MAST4: variants seen among roughly 807,000 people sequenced by gnomAD.
MAST4 encodes microtubule associated serine/threonine kinase family member 4.
In MAST4, 89 loss-of-function variants were observed where a neutral mutation model predicts 162.7. The observed-to-expected ratio is 0.55, with a 90% confidence interval of 0.46 to 0.65. MAST4 has a LOEUF of 0.65. Among genes scored for constraint, MAST4 ranks in the 30% least tolerant of loss-of-function variants. The pLI, the probability that MAST4 is intolerant of heterozygous loss-of-function variation, is 0.00. For missense variants in MAST4, 3,153 were observed against 3,374.0 expected (o/e 0.93, Z 1.62); for synonymous variants, 1,479 against 1,361.1 (o/e 1.09, Z -1.91).
chr5:66,700,535 A>G (rs758067287), intron 1 of MAST4, among the ~76,000 whole-genome samples: 1 of 152,068 alleles, frequency 6.6e-6, no homozygotes, highest in Non-Finnish European at 1.5e-5. Context: ...TATAAAAACT[A>G]GCCGGGCTGG....
chr5:67,123,508 G>A (rs889047549), intron 14 of MAST4, among the ~76,000 whole-genome samples: 4 of 152,136 alleles, frequency 2.6e-5, no homozygotes, highest in African/African-American at 9.7e-5. Context: ...GCCCTTGTAT[G>A]GTAGTTGATA....
At chr5:66,680,381 C>G (rs1045437344) in intron 1 of MAST4, among the ~76,000 whole-genome samples, 1 of 152,174 alleles carries the variant, frequency 6.6e-6, no homozygotes, top group Non-Finnish European at 1.5e-5. Context: ...CATTGTCTTT[C>G]CTGACTCCCT....
intron 9 of MAST4, among the ~76,000 whole-genome samples, chr5:67,103,383 T>C (rs1212613015): frequency 1.3e-5 from 2 of 152,228 alleles, no homozygotes; most frequent in Admixed American, 6.5e-5. Context: ...AGAGTACTTA[T>C]TATTTGCAAC....
intron 1 of MAST4, among the ~76,000 whole-genome samples, chr5:66,697,985 C>T (rs1310406860): frequency 6.6e-6 from 1 of 151,986 alleles, no homozygotes; most frequent in Non-Finnish European, 1.5e-5. Flanking sequence ...CATTCCATGA[C>T]CTAACCACCA....
chr5:67,024,613 T>C (rs1754418491), intron 4 of MAST4, among the ~76,000 whole-genome samples: 1 of 152,064 alleles, frequency 6.6e-6, no homozygotes. Context: ...TGGTGGTAAA[T>C]AGGTGAACTG....
intron 4 of MAST4, among the ~76,000 whole-genome samples, chr5:66,983,327 G>A (rs1174997720): frequency 2.0e-5 from 3 of 152,116 alleles, no homozygotes; most frequent in Non-Finnish European, 2.9e-5. Context: ...GATGACAGAC[G>A]GCCATCCCTT....
At chr5:67,010,796 G>A (rs566194437) in intron 4 of MAST4, among the ~76,000 whole-genome samples, 1 of 152,248 alleles carries the variant, frequency 6.6e-6, no homozygotes, top group African/African-American at 2.4e-5. Context: ...GTTGCATCTG[G>A]CAACTGGAAA....
rs377161779 is a variant in MAST4 at position 67,142,461 on chromosome 5, A to T, written c.2658A>T (p.Glu886Asp). The change falls in exon 21 of 29, where the codon GAA (glutamate) becomes GAT (aspartate). Residue 886 changes from glutamate to aspartate, a missense_variant. Physicochemically the swap from Glu to Asp is conservative, Grantham distance 45 (BLOSUM62 2). Around this residue, in one of 7 missense-constraint regions of MAST4, gnomAD observed 619 missense variants for 744.2 expected, o/e 0.83. Coordinates refer to ENST00000403625, the MANE Select transcript of MAST4 (RefSeq NM_001164664.2). ...ATCATCATATGGAAACGGAGGAAGA[A>T]GATGACACAAATGATGAAGACTTTA... ...EKYHHMETEE[E>D]DDTNDEDFNV... 1.2e-6 allele frequency: 2 copies of T among 1,601,392 alleles called. No individual in the cohort carries two copies. Among genetic ancestry groups the T allele is most frequent in the South Asian group, 2.3e-5 (2 of 88,362 alleles).
At chr5:66,826,234 A>AT (rs1001831978) in intron 3 of MAST4, among the ~76,000 whole-genome samples, 1 of 151,810 alleles carries the variant, frequency 6.6e-6, no homozygotes, top group East Asian at 1.9e-4. Context: ...GGTAATCGAT[A>AT]TTTTTTCATA....
intron 3 of MAST4, among the ~76,000 whole-genome samples, chr5:66,813,884 G>A (rs1306735267): frequency 3.9e-5 from 6 of 152,192 alleles, no homozygotes. Context: ...ATTGCATGCT[G>A]CACTCTTACA....
chr5:66,828,711 A>T, intron 3 of MAST4: 1 of 1,372,868 alleles, frequency 7.3e-7, no homozygotes, highest in Non-Finnish European at 1.0e-6. Flanking sequence ...GGACCAGCTG[A>T]CTCCGGGCTC....
At chr5:67,054,519 T>C in intron 5 of MAST4, 27 bp downstream of exon 5, 1 of 1,559,230 alleles carries the variant, frequency 6.4e-7, no homozygotes, top group Non-Finnish European at 8.7e-7. Flanking sequence ...TCTTGAGTTT[T>C]GTTTTATTTC....
chr5:67,099,822 T>A (rs1317995083), intron 7 of MAST4, among the ~76,000 whole-genome samples: 2 of 152,090 alleles, frequency 1.3e-5, no homozygotes, highest in Admixed American at 6.5e-5. Flanking sequence ...GTTTTTTTTT[T>A]TTATTTTAAG....
In MAST4 at chr5:67,095,603, T is replaced by A. The variant is rs1267935721; in HGVS notation, c.840T>A (p.Asp280Glu). The A allele has an allele frequency of 2.5e-6, 4 of 1,608,286 alleles. No individual in the cohort carries two copies. In the African/African-American group the frequency reaches 4.0e-5, roughly 16 times the overall value. Residue 280 changes from aspartate to glutamate, a missense_variant, in exon 7 of 29, where the codon GAT (aspartate) becomes GAA (glutamate). By Grantham distance (45) the Asp-to-Glu change is conservative. Transcript: ENST00000403625. Reference protein sequence around the residue: ...SAHFSFARRTDGRRWSLASLP... With the variant: ...SAHFSFARRTEGRRWSLASLP... ...AAACTCACTTTCTCAATAGGACTGA[T>A]GGACGCCGCTGGTCGTTGGCTTCTC...
intron 25 of MAST4, 142 bp from the exon 26 acceptor site, chr5:67,153,316 A>G: frequency 1.2e-6 from 1 of 832,146 alleles, no homozygotes; most frequent in African/African-American, 1.8e-5. Flanking sequence ...ATGATAGAAT[A>G]GGAATAGTAA....
intron 3 of MAST4, among the ~76,000 whole-genome samples, chr5:66,848,896 T>C (rs1315714565): frequency 6.6e-6 from 1 of 152,194 alleles, no homozygotes; most frequent in East Asian, 1.9e-4. Context: ...GGTGTGCTCA[T>C]ATCAGAAAAC....
At chr5:66,771,897 G>A (rs1381913850) in intron 2 of MAST4, among the ~76,000 whole-genome samples, 1 of 152,054 alleles carries the variant, frequency 6.6e-6, no homozygotes, top group Non-Finnish European at 1.5e-5. Context: ...AGGATAGACT[G>A]TGGCCCAGGC....
chr5:66,725,825 G>A (rs1364306589), intron 1 of MAST4, among the ~76,000 whole-genome samples: 1 of 152,144 alleles, frequency 6.6e-6, no homozygotes, highest in African/African-American at 2.4e-5. Flanking sequence ...ATATGTGCCA[G>A]GGATTCACTA....
chr5:66,787,142 G>A (rs1755156084), intron 2 of MAST4, among the ~76,000 whole-genome samples: 1 of 152,058 alleles, frequency 6.6e-6, no homozygotes, highest in Non-Finnish European at 1.5e-5. Context: ...CTGCTGTTAT[G>A]GCTAAATAGT....
Sources: allele counts gnomAD v4.1 joint callset (sites outside exome capture counted in the v4.1 genomes callset), GRCh38; gene constraint gnomAD v4.1.1; regional missense constraint gnomAD v4.1.1; transcripts MANE v1.5; gene names NCBI Gene and HGNC (gene_info 2026-07-23, HGNC 2026-07-21).